SLC15A2: variants seen among roughly 807,000 people sequenced by gnomAD.
SLC15A2 encodes solute carrier family 15 member 2, also known as kidney H(+)/peptide cotransporter.
A neutral mutation model predicts 95.5 loss-of-function variants in SLC15A2; 77 were observed. That is an observed-to-expected ratio of 0.81 (90% confidence interval 0.67 to 0.97). The LOEUF is 0.97. Among genes scored for constraint, SLC15A2 ranks in the 50% least tolerant of loss-of-function variants. The pLI is 0.00. For missense variants in SLC15A2, 893 were observed against 874.4 expected (o/e 1.02, Z -0.27); for synonymous variants, 306 against 306.9 (o/e 1.00, Z 0.03).
At chr3:121,907,766 C>T (rs544975294) in intron 3 of SLC15A2, among the ~76,000 whole-genome samples, 17 of 152,284 alleles carry the variant, frequency 1.1e-4, no homozygotes, top group East Asian at 1.9e-4. Flanking sequence ...GAGGGACACC[C>T]GCCTGTAATG....
chr3:121,929,267 C>T (rs867950096), intron 16 of SLC15A2, 35 bp from the exon 17 acceptor site: 1 of 1,611,198 alleles, frequency 6.2e-7, no homozygotes, highest in Admixed American at 1.7e-5. Context: ...CTTATTTCAT[C>T]AGCTGTTACT....
rs1398661790 is a variant in SLC15A2 at position 121,940,376 on chromosome 3, A to C, written c.1909-8A>C. 1 of 1,611,780 alleles carries C rather than the reference A, an allele frequency of 6.2e-7. No individual in the cohort carries two copies. The highest frequency in any genetic ancestry group is 1.3e-5 in the African/African-American group (1 of 74,898). ...GTTTGTTTACTTTCAAACTTGTGTC[A>C]TCCCCAGGCTCCCTCTAGCATGAAA... On this transcript the variant is annotated splice_polypyrimidine_tract_variant and splice_region_variant and intron_variant, in intron 20 of 21. Transcript: ENST00000489711.
At chr3:121,900,599 A>G (rs1041665765) in intron 3 of SLC15A2, among the ~76,000 whole-genome samples, 6 of 152,166 alleles carry the variant, frequency 3.9e-5, no homozygotes, top group Non-Finnish European at 7.3e-5. Flanking sequence ...GAGAATGGCC[A>G]CTAGAGGAAA....
intron 14 of SLC15A2, chr3:121,928,217 C>A: frequency 1.7e-6 from 1 of 596,246 alleles, no homozygotes; most frequent in Non-Finnish European, 2.9e-6. Flanking sequence ...AGTTTGTAAG[C>A]TGGCATTGGT....
chr3:121,911,927 C>G (rs528655814), intron 4 of SLC15A2, among the ~76,000 whole-genome samples: 36 of 152,216 alleles, frequency 2.4e-4, no homozygotes, highest in African/African-American at 7.0e-4. Context: ...TACATATTCC[C>G]TCACCTTTTT....
chr3:121,897,361 C>T (rs1302274129), intron 2 of SLC15A2, 27 bp from the exon 3 acceptor site: 1 of 1,611,216 alleles, frequency 6.2e-7, no homozygotes, highest in South Asian at 1.1e-5. Context: ...TTTGTCTCCC[C>T]ACGCCTCCTT....
intron 3 of SLC15A2, among the ~76,000 whole-genome samples, chr3:121,901,391 T>C (rs1337993668): frequency 1.3e-5 from 2 of 152,212 alleles, no homozygotes; most frequent in Non-Finnish European, 2.9e-5. Context: ...TTCGAATTCA[T>C]AAATTTATTC....
chr3:121,914,893 A>T, intron 5 of SLC15A2: 2 of 601,502 alleles, frequency 3.3e-6, no homozygotes, highest in Non-Finnish European at 4.3e-6. Context: ...CACACACATG[A>T]AATAAAAAAC....
At chr3:121,939,281 A>G in intron 19 of SLC15A2, 68 bp from the exon 20 acceptor site, 1 of 1,218,550 alleles carries the variant, frequency 8.2e-7, no homozygotes, top group Non-Finnish European at 1.1e-6. Context: ...AAGATCGTAG[A>G]ATGCTGTAGT....
rs142421761 is a variant in SLC15A2 at position 121,923,367 on chromosome 3, T to G, written c.1002+101T>G. The G allele has an allele frequency of 1.0e-4, 125 of 1,193,718 alleles. 1 individual carries two copies. The East Asian group carries it at 2.8e-3, about 26-fold the overall frequency. 73.9% of individuals were successfully genotyped at this position (1,193,718 alleles called of 1,614,324 possible). A position where few individuals can be genotyped will look rare whatever the true frequency, so the allele number is the denominator to read the frequency against. On this transcript the variant is annotated intron_variant, in intron 11 of 21. Coordinates refer to ENST00000489711, the MANE Select transcript of SLC15A2 (RefSeq NM_021082.4). Reference sequence around the variant, plus strand: ...TGATTTTGCCTGAAAACTAACAAGATCTTCAGAGAAGTGCTTTTAGCCTGA... The same window carrying G: ...TGATTTTGCCTGAAAACTAACAAGAGCTTCAGAGAAGTGCTTTTAGCCTGA...
At chr3:121,940,346 A>T (rs1312932579) in intron 20 of SLC15A2, 38 bp from the exon 21 acceptor site, 1 of 1,524,864 alleles carries the variant, frequency 6.6e-7, no homozygotes, top group South Asian at 1.1e-5. Context: ...AGGGCAGTGA[A>T]GGGGGTTTGT....
intron 19 of SLC15A2, among the ~76,000 whole-genome samples, chr3:121,932,066 G>A (rs1710244861): frequency 6.6e-6 from 1 of 152,062 alleles, no homozygotes; most frequent in Admixed American, 6.6e-5. Flanking sequence ...ACCATGCCCA[G>A]CTAATTTTTG....
rs567586900 is a variant in SLC15A2, at chr3:121,919,548, G to A, written c.698-2672G>A. Reference sequence around the variant, plus strand: ...AAAAGTACCACTAGATTGGTTAAAAGGCATCATCCAAAAGGAACCAATGGA... The same window carrying A: ...AAAAGTACCACTAGATTGGTTAAAAAGCATCATCCAAAAGGAACCAATGGA... On this transcript the variant is annotated intron_variant, in intron 7 of 21. Coordinates refer to ENST00000489711, the MANE Select transcript of SLC15A2 (RefSeq NM_021082.4). Among the ~76,000 whole-genome samples the A allele has an allele frequency of 5.3e-5, 8 of 152,260 alleles. No homozygotes were observed. In the South Asian group the frequency reaches 1.5e-3, roughly 28 times the overall value.
At chr3:121,933,612 TG>T (rs1479698345) in intron 19 of SLC15A2, among the ~76,000 whole-genome samples, 1 of 150,066 alleles carries the variant, frequency 6.7e-6, no homozygotes, top group Non-Finnish European at 1.5e-5. Context: ...TGGGGTTGTT[TG>T]TTTTTTTCTT....
chr3:121,939,574 AT>A, intron 20 of SLC15A2, 79 bp downstream of exon 20: 1 of 1,270,220 alleles, frequency 7.9e-7, no homozygotes, highest in Non-Finnish European at 1.1e-6. Flanking sequence ...ACTGACTTAA[AT>A]AGGTATGTTA....
chr3:121,900,040 T>C (rs1316258609), intron 3 of SLC15A2, among the ~76,000 whole-genome samples: 1 of 152,200 alleles, frequency 6.6e-6, no homozygotes, highest in East Asian at 1.9e-4. Flanking sequence ...TTGCCTCTTG[T>C]TTACTTCACT....
At chr3:121,897,079 G>T (rs934633003) in intron 2 of SLC15A2, among the ~76,000 whole-genome samples, 1 of 151,038 alleles carries the variant, frequency 6.6e-6, no homozygotes, top group African/African-American at 2.4e-5. Context: ...GGGAAGGAGA[G>T]GAGAGGGAAG....
intron 3 of SLC15A2, among the ~76,000 whole-genome samples, chr3:121,902,088 GA>G (rs1292709329): frequency 1.3e-5 from 2 of 152,224 alleles, no homozygotes; most frequent in African/African-American, 4.8e-5. Flanking sequence ...TGCCAGGAAA[GA>G]AGTGAGGCTT....
At chr3:121,906,999 G>A (rs1162131033) in intron 3 of SLC15A2, among the ~76,000 whole-genome samples, 1 of 152,184 alleles carries the variant, frequency 6.6e-6, no homozygotes, top group Non-Finnish European at 1.5e-5. Context: ...ATCAAATGTA[G>A]ATTTGGTCTT....
Sources: gnomAD v4.1 joint callset for allele counts (sites outside exome capture counted in the v4.1 genomes callset) on GRCh38, gnomAD v4.1.1 for gene constraint, MANE v1.5 for transcripts, NCBI Gene and HGNC (gene_info 2026-07-23, HGNC 2026-07-21) for gene names.